Variants in PDE7B observed in about 807,000 individuals in gnomAD.
PDE7B encodes 3',5'-cyclic-AMP phosphodiesterase 7B.
A neutral mutation model predicts 56.2 loss-of-function variants in PDE7B; 29 were observed. That is an observed-to-expected ratio of 0.52 (90% CI 0.38 to 0.70). PDE7B has a LOEUF of 0.70. Among genes scored for constraint, PDE7B ranks in the 30% least tolerant of loss-of-function variants. The pLI is 0.00. For missense variants in PDE7B, 490 were observed against 565.0 expected (o/e 0.87, Z 1.35); for synonymous variants, 197 against 196.9 (o/e 1.00, Z 0.00).
chr6:136,106,071 C>G (rs750020651), intron 2 of PDE7B, among the ~76,000 whole-genome samples: 20 of 141,934 alleles, frequency 1.4e-4, no homozygotes, highest in Non-Finnish European at 2.7e-4. Flanking sequence ...GAAGAAAATA[C>G]TAATGGAGAA....
chr6:136,184,259 A>G (rs1366504176), intron 11 of PDE7B, among the ~76,000 whole-genome samples: 1 of 152,184 alleles, frequency 6.6e-6, no homozygotes, highest in Non-Finnish European at 1.5e-5. Context: ...TGGTTAGCAA[A>G]GTGTCTGAAA....
chr6:136,048,581 G>C (rs1329622215), intron 2 of PDE7B, among the ~76,000 whole-genome samples: 1 of 152,122 alleles, frequency 6.6e-6, no homozygotes, highest in Non-Finnish European at 1.5e-5. Flanking sequence ...TAGAAAGATA[G>C]GCTGGGGGTC....
intron 1 of PDE7B, among the ~76,000 whole-genome samples, chr6:135,901,836 G>A (rs1319915339): frequency 6.6e-6 from 1 of 151,892 alleles, no homozygotes; most frequent in Non-Finnish European, 1.5e-5. Flanking sequence ...TGAGAGAGAA[G>A]TGTGCAGACA....
chr6:135,928,021 A>C (rs1441951564), intron 1 of PDE7B, among the ~76,000 whole-genome samples: 2 of 152,178 alleles, frequency 1.3e-5, no homozygotes, highest in African/African-American at 4.8e-5. Context: ...GCAGCCAGCA[A>C]ATATATGAAA....
At position 135,871,726 on chromosome 6, in the gene PDE7B, A is replaced by G. The variant is rs554635622; in HGVS notation, c.21+19707A>G. 1.1e-3 allele frequency among the ~76,000 whole-genome samples: 165 copies of G among 152,278 alleles called. 1 individual carries two copies. The highest frequency in any genetic ancestry group is 7.2e-3 in the South Asian group (35 of 4,828). ...GTGCCTCAGTTTTCTTTCATTTTAT[A>G]TTGGCTACAATAATCACTTTCAATG... On this transcript the variant is annotated intron_variant, in intron 1 of 12. Coordinates refer to ENST00000308191, the MANE Select transcript of PDE7B (RefSeq NM_018945.4).
chr6:135,889,150 G>A (rs1255493329), intron 1 of PDE7B, among the ~76,000 whole-genome samples: 1 of 152,006 alleles, frequency 6.6e-6, no homozygotes, highest in Non-Finnish European at 1.5e-5. Flanking sequence ...AAATTCTAAA[G>A]GAATCCTGAG....
At chr6:135,985,807 C>T (rs939497136) in intron 2 of PDE7B, among the ~76,000 whole-genome samples, 1 of 152,178 alleles carries the variant, frequency 6.6e-6, no homozygotes, top group African/African-American at 2.4e-5. Flanking sequence ...AAGTACAGAG[C>T]TTAGAGAAGC....
At chr6:136,157,649 T>C (rs1463433038) in intron 8 of PDE7B, among the ~76,000 whole-genome samples, 2 of 152,136 alleles carry the variant, frequency 1.3e-5, no homozygotes, top group African/African-American at 4.8e-5. Context: ...TTTAAAGTAT[T>C]TAGCTACAAA....
intron 3 of PDE7B, chr6:136,114,841 G>A (rs1386922181): frequency 2.0e-5 from 3 of 152,256 alleles, no homozygotes; most frequent in African/African-American, 7.2e-5. Context: ...AGAAAGGCAA[G>A]GCACTGGCTG....
At chr6:135,908,373 G>C (rs9399171) in intron 1 of PDE7B, among the ~76,000 whole-genome samples, 20,031 of 151,846 alleles carry the variant, frequency 0.13, 1,720 homozygotes, top group East Asian at 0.41. Context: ...GATTACAGGC[G>C]TGAGACACCG....
At chr6:136,190,106 T>G (rs1779198738) in intron 12 of PDE7B, among the ~76,000 whole-genome samples, 2 of 152,202 alleles carry the variant, frequency 1.3e-5, no homozygotes, top group African/African-American at 4.8e-5. Flanking sequence ...AAGCGTCTTT[T>G]TAGATATCTA....
intron 3 of PDE7B, among the ~76,000 whole-genome samples, chr6:136,127,346 T>A (rs1278113835): frequency 6.6e-6 from 1 of 152,246 alleles, no homozygotes; most frequent in East Asian, 1.9e-4. Flanking sequence ...AACTCATAAA[T>A]CCCAATAGCA....
At chr6:136,117,454 C>T (rs1777858173) in intron 3 of PDE7B, among the ~76,000 whole-genome samples, 1 of 152,202 alleles carries the variant, frequency 6.6e-6, no homozygotes, top group African/African-American at 2.4e-5. Context: ...TGGCCCCATC[C>T]TTAATATCTT....
chr6:136,183,359 C>T (rs1779097257), intron 11 of PDE7B, among the ~76,000 whole-genome samples: 2 of 151,912 alleles, frequency 1.3e-5, no homozygotes, highest in Non-Finnish European at 2.9e-5. Context: ...TTTGGGAGGC[C>T]AAGGCGGGCG....
At chr6:136,022,347 C>T (rs1205048674) in intron 2 of PDE7B, among the ~76,000 whole-genome samples, 1 of 152,096 alleles carries the variant, frequency 6.6e-6, no homozygotes, top group East Asian at 1.9e-4. Context: ...ATGCTTAGAC[C>T]ATGACTGGCC....
chr6:136,030,674 T>C (rs1043426670), intron 2 of PDE7B, among the ~76,000 whole-genome samples: 6 of 152,222 alleles, frequency 3.9e-5, no homozygotes, highest in African/African-American at 1.4e-4. Context: ...AAAGACTACT[T>C]TACATAAATC....
chr6:136,108,410 T>C (rs1260004261), intron 2 of PDE7B, among the ~76,000 whole-genome samples: 1 of 152,164 alleles, frequency 6.6e-6, no homozygotes, highest in African/African-American at 2.4e-5. Context: ...CATTTGTCTT[T>C]CTGGATTCAG....
intron 1 of PDE7B, among the ~76,000 whole-genome samples, chr6:135,923,226 C>G (rs1016047364): frequency 6.6e-6 from 1 of 152,088 alleles, no homozygotes; most frequent in Non-Finnish European, 1.5e-5. Flanking sequence ...CATACAATTC[C>G]GTAGCTATAT....
chr6:135,996,444 A>C (rs918518127), intron 2 of PDE7B, among the ~76,000 whole-genome samples: 1 of 152,234 alleles, frequency 6.6e-6, no homozygotes, highest in East Asian at 1.9e-4. Context: ...TACATATTGT[A>C]TAGACTCCCT....
Sources: allele counts gnomAD v4.1 joint callset (sites outside exome capture counted in the v4.1 genomes callset), GRCh38; gene constraint gnomAD v4.1.1; transcripts MANE v1.5; gene names NCBI Gene and HGNC (gene_info 2026-07-23, HGNC 2026-07-21).